The following A2M variants were observed in gnomAD, a reference collection of about 807,000 sequenced individuals.
The protein encoded by A2M is alpha-2-macroglobulin, also known as C3 and PZP-like alpha-2-macroglobulin domain-containing protein 5.
A2M carries 128 observed loss-of-function variants against 183.9 expected under a neutral mutation model. The observed-to-expected ratio is 0.70, with a 90% CI of 0.60 to 0.81. A2M has a LOEUF of 0.81. Ranked by LOEUF, A2M falls within the 30% of genes least tolerant of loss-of-function variation. The probability of loss-of-function intolerance (pLI) is 0.00; values close to 1 mark genes in which losing one functional copy is unlikely to be tolerated. For synonymous variants in A2M, 592 were observed against 670.8 expected (o/e 0.88, Z 1.81); for missense variants, 1,495 against 1,787.6 (o/e 0.84, Z 2.95).
At chr12:9,087,319 A>T (rs226414) in intron 22 of A2M, among the ~76,000 whole-genome samples, 16 of 152,198 alleles carry the variant, frequency 1.1e-4, no homozygotes, top group African/African-American at 3.9e-4. Flanking sequence ...ATAGAATTCC[A>T]TTCCATTTTA....
chr12:9,080,027 T>C lies in A2M; in HGVS notation c.2854+67A>G, dbSNP rs1267656447. 3 of 1,079,006 alleles carry C rather than the reference T, an allele frequency of 2.8e-6. No individual in the cohort carries two copies. The African/African-American group carries it at 4.9e-5, about 17-fold the overall frequency. 66.8% of individuals were successfully genotyped at this position (1,079,006 alleles called of 1,614,324 possible). A position where few individuals can be genotyped will look rare whatever the true frequency, so the allele number is the denominator to read the frequency against. The stretch of plus-strand genomic sequence containing the variant: ...TATAGTATTATTTTTAGTAAATATT[T>C]ATGGGAAATAAAAATAGTATAATAG... On this transcript the variant is annotated intron_variant, in intron 23 of 35. Coordinates refer to ENST00000318602, the MANE Select transcript of A2M (RefSeq NM_000014.6).
intron 29 of A2M, 67 bp downstream of exon 29, chr12:9,074,493 T>C: frequency 6.9e-7 from 1 of 1,451,142 alleles, no homozygotes; most frequent in Non-Finnish European, 9.4e-7. Context: ...TGGATGTGTT[T>C]GTTTCTTTTT....
At chr12:9,068,638 A>G in intron 34 of A2M, 102 bp downstream of exon 34, 1 of 929,964 alleles carries the variant, frequency 1.1e-6, no homozygotes. Flanking sequence ...TGAAGTGATA[A>G]TGTAATTACT....
chr12:9,110,012 T>C lies in A2M; in HGVS notation c.528A>G (p.Ala176=), dbSNP rs1229671377. 3.1e-6 allele frequency: 5 copies of C among 1,612,448 alleles called. No individual in the cohort carries two copies. The highest frequency in any genetic ancestry group is 3.4e-5 in the Admixed American group (2 of 59,664). ...CCTCTAACTGGAAACTCTGCCATTGTGCGATGCGATTTCCTTTGGGATCCT... is the reference window on the plus strand; with the variant it reads ...CCTCTAACTGGAAACTCTGCCATTGCGCGATGCGATTTCCTTTGGGATCCT... ...YIQDPKGNRI[A]QWQSFQLEGG... Residue 176 remains alanine (A), a synonymous_variant, in exon 6 of 36, where the codon GCA becomes GCG. Transcript: ENST00000318602.
intron 17 of A2M, among the ~76,000 whole-genome samples, chr12:9,093,789 G>A (rs892349604): frequency 1.3e-5 from 2 of 149,270 alleles, no homozygotes; most frequent in Middle Eastern, 3.4e-3. Flanking sequence ...GGCCGGGCGC[G>A]GTGGCTCATG....
At chr12:9,102,472 T>C (rs1937950360) in intron 11 of A2M, among the ~76,000 whole-genome samples, 1 of 152,130 alleles carries the variant, frequency 6.6e-6, no homozygotes, top group Admixed American at 6.5e-5. Flanking sequence ...CACCTCAGCC[T>C]CCCAAAGTGC....
intron 7 of A2M, among the ~76,000 whole-genome samples, chr12:9,108,479 G>T (rs142617242): frequency 2.6e-5 from 4 of 152,262 alleles, no homozygotes; most frequent in Admixed American, 6.5e-5. Flanking sequence ...ATAGACAATT[G>T]CTGGGTTTCC....
At chr12:9,098,100 T>A (rs985197245) in intron 15 of A2M, among the ~76,000 whole-genome samples, 2 of 152,214 alleles carry the variant, frequency 1.3e-5, no homozygotes, top group African/African-American at 4.8e-5. Context: ...TACTGTATGG[T>A]CTTTTTACAT....
chr12:9,106,528 T>A lies in A2M; in HGVS notation c.957A>T (p.Lys319Asn), dbSNP rs1938301598. Residue 319 changes from lysine to asparagine, a missense_variant, in exon 9 of 36, where the codon AAA becomes AAT. By Grantham distance (94) the Lys-to-Asn change is moderately conservative (BLOSUM62 0). Coordinates refer to ENST00000318602, the MANE Select transcript of A2M (RefSeq NM_000014.6). ...CTTGGATCTGGGCCTCAGTGTGAAGTTTCATTTCATACTCCTTCCTCTTCA... is the reference window on the plus strand; with the variant it reads ...CTTGGATCTGGGCCTCAGTGTGAAGATTCATTTCATACTCCTTCCTCTTCA... ...FQLKRKEYEM[K>N]LHTEAQIQEE... The A allele has an allele frequency of 6.3e-7, 1 of 1,598,472 alleles. No homozygotes were observed. Among genetic ancestry groups the A allele is most frequent in the African/African-American group, 1.3e-5 (1 of 74,738 alleles).
chr12:9,095,144 T>G, intron 16 of A2M, 60 bp from the exon 17 acceptor site: 4 of 867,924 alleles, frequency 4.6e-6, no homozygotes, highest in Non-Finnish European at 6.8e-6. Flanking sequence ...CATAGGTAGC[T>G]ACTTCTTTTT....
intron 12 of A2M, 46 bp downstream of exon 12, chr12:9,101,401 G>C (rs752140372): frequency 7.3e-6 from 11 of 1,501,808 alleles, no homozygotes; most frequent in African/African-American, 4.1e-5. Context: ...GCTCCACAGA[G>C]AGCTTTTGTC....
At chr12:9,109,239 C>T (rs966737151) in intron 7 of A2M, 82 bp downstream of exon 7, 13 of 1,145,082 alleles carry the variant, frequency 1.1e-5, no homozygotes, top group African/African-American at 4.6e-5. Context: ...CCACTGCTCC[C>T]GGAGAGAGTA....
In A2M at chr12:9,114,266, C is replaced by G. The variant is rs1295796566; in HGVS notation, c.87-723G>C. ...TACAGAAACTTTCTCAGTACCCTGA[C>G]ATGTAATTTAAGATCAACCCTGTAG... On this transcript the variant is annotated intron_variant, in intron 1 of 35. Coordinates refer to ENST00000318602, the MANE Select transcript of A2M (RefSeq NM_000014.6). Among the ~76,000 whole-genome samples the G allele has an allele frequency of 3.3e-5, 5 of 152,216 alleles. 1 individual carries two copies. The highest frequency in any genetic ancestry group is 5.9e-5 in the Non-Finnish European group (4 of 68,038).
chr12:9,103,732 G>A (rs756971149), intron 11 of A2M, among the ~76,000 whole-genome samples: 1 of 152,164 alleles, frequency 6.6e-6, no homozygotes, highest in Non-Finnish European at 1.5e-5. Flanking sequence ...GCTGTAGCAT[G>A]TGACAGGATT....
chr12:9,074,070 A>G (rs1020344950), intron 29 of A2M, among the ~76,000 whole-genome samples: 1 of 142,564 alleles, frequency 7.0e-6, no homozygotes, highest in Non-Finnish European at 1.5e-5. Flanking sequence ...CCTAGGTGAC[A>G]GAGCAAGACT....
intron 4 of A2M, 190 bp downstream of exon 4, chr12:9,111,969 G>C (rs1938759517): frequency 1.3e-6 from 1 of 758,172 alleles, no homozygotes; most frequent in Admixed American, 1.7e-5. Context: ...CCAGCACCAA[G>C]ACAGAAAGAA....
At position 9,113,865 on chromosome 12, in the gene A2M, AT is replaced by A. The variant is rs1324629084; in HGVS notation, c.87-323del. On this transcript the variant is annotated intron_variant, in intron 1 of 35. Transcript: ENST00000318602. ...TACATTTGTTCATGTTGTAAAATCT[AT>A]TTTTACCTTCAAGTTGCTGTAAAAA... is the stretch of plus-strand genomic sequence containing the variant. Among the ~76,000 whole-genome samples, 6 of 152,318 alleles carry A rather than the reference AT, an allele frequency of 3.9e-5. No individual in the cohort carries two copies. In the East Asian group the frequency reaches 1.2e-3, roughly 29 times the overall value.
chr12:9,077,858 C>T lies in A2M; in HGVS notation c.3120-1G>A. ...AGTCTTCAGAACAAAGGCTGTGAGC[C>T]TGACCAGGGAGGAAGCAATCATGAT... On this transcript the variant is annotated splice_acceptor_variant, in intron 25 of 35. Transcript: ENST00000318602. LOFTEE classifies it high-confidence loss of function. The T allele has an allele frequency of 6.2e-7, 1 of 1,614,088 alleles. No homozygotes were observed. Among genetic ancestry groups the T allele is most frequent in the Non-Finnish European group, 8.5e-7 (1 of 1,179,956 alleles).
At chr12:9,090,645 A>G (rs1949182578) in intron 19 of A2M, 163 bp from the exon 20 acceptor site, 1 of 691,826 alleles carries the variant, frequency 1.4e-6, no homozygotes. Context: ...GTGGATCTTA[A>G]TGTATCAGAT....
Sources: allele counts gnomAD v4.1 joint callset (sites outside exome capture counted in the v4.1 genomes callset), GRCh38; gene constraint gnomAD v4.1.1; transcripts MANE v1.5; gene names NCBI Gene and HGNC (gene_info 2026-07-23, HGNC 2026-07-21).